Variants in KLK4 observed in about 807,000 individuals in gnomAD.
KLK4 encodes kallikrein-4.
A neutral mutation model predicts 24.3 loss-of-function variants in KLK4; 24 were observed. The ratio of observed to expected loss-of-function variants is 0.99; its 90% CI spans 0.72 to 1.39. The LOEUF (loss-of-function observed/expected upper bound fraction) is 1.39. Ranked by LOEUF, KLK4 falls within the 40% of genes most tolerant of loss-of-function variation. The pLI, the probability that KLK4 is intolerant of heterozygous loss-of-function variation, is 0.00. For synonymous variants in KLK4, 142 were observed against 138.8 expected, an observed-to-expected ratio of 1.02 and a Z score of -0.16; for missense variants, 344 against 327.4, an observed-to-expected ratio of 1.05 and a Z score of -0.39.
At position 50,910,406 on chromosome 19, in the gene KLK4, A is replaced by T. The variant is rs951627900; in HGVS notation, c.61+272T>A. Among the ~76,000 whole-genome samples, 1 of 151,972 alleles carries T rather than the reference A, an allele frequency of 6.6e-6. No individual in the cohort carries two copies. Among genetic ancestry groups the T allele is most frequent in the South Asian group, 2.1e-4 (1 of 4,816 alleles). ...CACCCTCGGCTTCCCCTGTCCCCAT[A>T]TCATCATTACACTGTTGTCACTCCA... is the stretch of plus-strand genomic sequence containing the variant. On this transcript the variant is annotated intron_variant, in intron 2 of 5. Transcript: ENST00000324041. The surrounding 1 kb of genome is among the most constrained non-coding windows in gnomAD (Gnocchi z 4.4).
exon 6 of KLK4, chr19:50,906,618 G>T (rs1195922332): frequency 5.5e-5 from 15 of 274,146 alleles, no homozygotes; most frequent in South Asian, 4.6e-4. Flanking sequence ...AGGGGCTGGG[G>T]GGTCTGGACT....
chr19:50,907,693 A>G (rs1015477648), intron 5 of KLK4, among the ~76,000 whole-genome samples: 1 of 152,028 alleles, frequency 6.6e-6, no homozygotes, highest in Admixed American at 6.5e-5. Flanking sequence ...GGCATGAGCC[A>G]CCCTGCCCAG....
rs750971818 is a variant in KLK4 at position 50,907,079 on chromosome 19, G to A, written c.620C>T (p.Ser207Phe). Reference sequence around the variant, plus strand: ...CCCGTTGCAGATCAGGGGCCCCCCAGAGTCACCCTGTTGTGAAGAGAGGGA... The same window carrying A: ...CCCGTTGCAGATCAGGGGCCCCCCAAAGTCACCCTGTTGTGAAGAGAGGGA... Residue 207 changes from serine (S) to phenylalanine (F), a missense_variant, in exon 6 of 6, where the codon TCT becomes TTT. Physicochemically the swap from Ser to Phe is radical, Grantham distance 155 (BLOSUM62 -2). Transcript: ENST00000324041. The A allele has an allele frequency of 2.5e-6, 4 of 1,614,026 alleles. No homozygotes were observed. Among genetic ancestry groups the A allele is most frequent in the Non-Finnish European group, 3.4e-6 (4 of 1,180,046 alleles).
intron 3 of KLK4, chr19:50,909,038 G>A: frequency 1.4e-6 from 2 of 1,478,586 alleles, no homozygotes; most frequent in Non-Finnish European, 1.8e-6. Flanking sequence ...ACTCAGCACT[G>A]GGCTGAGATT....
chr19:50,908,636 G>A lies in KLK4; in HGVS notation c.418C>T (p.Gln140Ter). 6.2e-7 allele frequency: 1 copy of A among 1,614,228 alleles called. No homozygotes were observed. The highest frequency in any genetic ancestry group is 1.3e-5 in the African/African-American group (1 of 75,058). The change falls in exon 4 of 6, where the codon CAG (glutamine) becomes TAG (stop). Residue 140 changes from glutamine to a stop codon, truncating the protein, a stop_gained. Coordinates refer to ENST00000324041, the Ensembl canonical transcript of KLK4. LOFTEE classifies it high-confidence loss of function. ...CAAGAGTTCCCCGCGGTAGGGCACT[G>A]CGAAGCAATGCTGATGCTCCGGATG...
At chr19:50,907,404 CTTTTTTT>C (rs147857832) in intron 5 of KLK4, among the ~76,000 whole-genome samples, 3 of 110,722 alleles carry the variant, frequency 2.7e-5, no homozygotes, top group East Asian at 2.4e-4. Flanking sequence ...TTTGTAAAGT[CTTTTTTT>C]TTTTTTTTTT....
rs578182673 is a variant in KLK4 at position 50,910,559 on chromosome 19, C to A, written c.61+119G>T. On this transcript the variant is annotated intron_variant, in intron 2 of 5. Transcript: ENST00000324041. The surrounding 1 kb of genome is among the most constrained non-coding windows in gnomAD (Gnocchi z 4.4). ...GCACAGCCATGGGGGACGGATAACA[C>A]GGTACCGTCTCACAGGCAGCTTTGC... 1 of 916,134 alleles carries A rather than the reference C, an allele frequency of 1.1e-6. No homozygotes were observed. Among genetic ancestry groups the A allele is most frequent in the African/African-American group, 1.6e-5 (1 of 60,710 alleles). 56.8% of individuals were successfully genotyped at this position (916,134 alleles called of 1,614,324 possible). A position where few individuals can be genotyped will look rare whatever the true frequency, so the allele number is the denominator to read the frequency against.
chr19:50,910,819 G>T lies in KLK4; in HGVS notation c.-11-70C>A. ...CCCAAGTCTCTCCATCCCTCTCTTT[G>T]TCCCTCCCTTTCTTCCCTCTGGGAC... On this transcript the variant is annotated intron_variant, in intron 1 of 5. Coordinates refer to ENST00000324041, the Ensembl canonical transcript of KLK4. The surrounding 1 kb of genome is among the most constrained non-coding windows in gnomAD (Gnocchi z 4.4). 1 of 1,327,298 alleles carries T rather than the reference G, an allele frequency of 7.5e-7. No homozygotes were observed. Among genetic ancestry groups the T allele is most frequent in the Non-Finnish European group, 1.1e-6 (1 of 943,490 alleles). The allele number at this position is 1,327,298 out of a possible 1,614,324, so 82.2% of individuals were successfully genotyped here. A position where few individuals can be genotyped will look rare whatever the true frequency, so the allele number is the denominator to read the frequency against.
At chr19:50,908,295 G>T in intron 5 of KLK4, 64 bp downstream of exon 5, 1 of 1,594,182 alleles carries the variant, frequency 6.3e-7, no homozygotes, top group South Asian at 1.1e-5. Flanking sequence ...GGCCCTGTGT[G>T]TCTCTGTCTC....
chr19:50,908,492 C>A (rs774121903), exon 5 of KLK4: 2 of 1,614,232 alleles, frequency 1.2e-6, no homozygotes, highest in Non-Finnish European at 1.7e-6. Context: ...GGTAGGCATT[C>A]TGCCTGGGAC....
At chr19:50,908,201 GTTTA>G (rs2090450434) in intron 5 of KLK4, 154 bp downstream of exon 5, 2 of 882,816 alleles carry the variant, frequency 2.3e-6, no homozygotes, top group Non-Finnish European at 3.6e-6. Context: ...TTATTCCTGT[GTTTA>G]TTTCTCTGTT....
chr19:50,908,285 G>A (rs1479397737), intron 5 of KLK4, 74 bp downstream of exon 5: 2 of 1,548,556 alleles, frequency 1.3e-6, no homozygotes, highest in South Asian at 1.2e-5. Flanking sequence ...CTCGCCATGC[G>A]GCCCTGTGTG....
At chr19:50,909,407 G>T (rs756730929) in exon 3 of KLK4, 10 of 1,614,042 alleles carry the variant, frequency 6.2e-6, no homozygotes, top group Admixed American at 5.0e-5. Context: ...TACCAGAGAC[G>T]AGCGATCCTG....
At chr19:50,911,316 T>C (rs1379768336) in intron 1 of KLK4, among the ~76,000 whole-genome samples, 23 bp downstream of exon 1, 2 of 152,196 alleles carry the variant, frequency 1.3e-5, no homozygotes, top group Non-Finnish European at 2.9e-5. Context: ...AGGCTTTTAG[T>C]GGGGGACCAC....
chr19:50,907,076 C>T (rs368847974), exon 6 of KLK4: 11 of 1,613,950 alleles, frequency 6.8e-6, no homozygotes, highest in Non-Finnish European at 7.6e-6. Flanking sequence ...CAGGGGCCCC[C>T]CAGAGTCACC....
At chr19:50,907,561 CA>C (rs1485803372) in intron 5 of KLK4, among the ~76,000 whole-genome samples, 1 of 152,268 alleles carries the variant, frequency 6.6e-6, no homozygotes, top group East Asian at 1.9e-4. Context: ...CGCCTGCCAC[CA>C]TATCCAGCTA....
Position 50,910,748 on chromosome 19 carries a change from A to C in KLK4, c.-10T>G. 1 of 1,552,158 alleles carries C rather than the reference A, an allele frequency of 6.4e-7. No individual in the cohort carries two copies. On this transcript the variant is annotated splice_region_variant and 5_prime_UTR_variant, in exon 2 of 6. Coordinates refer to ENST00000324041, the Ensembl canonical transcript of KLK4. The surrounding 1 kb of genome is among the most constrained non-coding windows in gnomAD (Gnocchi z 4.4). ...TTCCTGCTGTGGCCATCACGTCAGC[A>C]CCTGGGGATGAGGACTGAGACTTAG...
exon 6 of KLK4, chr19:50,906,387 A>G (rs2090429643): frequency 1.2e-5 from 2 of 165,356 alleles, no homozygotes; most frequent in Non-Finnish European, 2.6e-5. Flanking sequence ...GATCTAGGGG[A>G]AAGGGACAAA....
chr19:50,907,400 A>T (rs2090442768), intron 5 of KLK4, among the ~76,000 whole-genome samples: 1 of 138,750 alleles, frequency 7.2e-6, no homozygotes. Context: ...TCTCTTTGTA[A>T]AGTCTTTTTT....
Sources: allele counts gnomAD v4.1 joint callset (sites outside exome capture counted in the v4.1 genomes callset), GRCh38; gene constraint gnomAD v4.1.1; non-coding constraint Gnocchi (gnomAD v3.1); transcripts MANE v1.5; gene names NCBI Gene and HGNC (gene_info 2026-07-23, HGNC 2026-07-21).